The following SUV39H2 variants were observed in gnomAD, a reference collection of about 807,000 sequenced individuals.
SUV39H2 encodes the protein histone-lysine N-methyltransferase SUV39H2.
Under a neutral mutation model 47.5 loss-of-function variants are expected in SUV39H2, and 10 were observed. The ratio of observed to expected loss-of-function variants is 0.21; its 90% confidence interval spans 0.13 to 0.36. SUV39H2 has a LOEUF of 0.36. Ranked by LOEUF, SUV39H2 falls within the 10% of genes least tolerant of loss-of-function variation. The pLI is 1.00. For synonymous variants in SUV39H2, 159 were observed against 166.8 expected (o/e 0.95, Z 0.36); for missense variants, 266 against 487.4 (o/e 0.55, Z 4.28).
chr10:14,902,315 T>G, intron 5 of SUV39H2, 91 bp from the exon 6 acceptor site: 1 of 817,478 alleles, frequency 1.2e-6, no homozygotes, highest in Non-Finnish European at 1.9e-6. Context: ...CCTCTATCAC[T>G]GATAATAAAG....
rs1833882414 is a variant in SUV39H2, at chr10:14,899,954, C to T, written c.996+269C>T. ...ATTTAAACTTTCTAGTAACTTTGTACGGTAGGTATTACTTTCATATTACAA... is the reference window on the plus strand; with the variant it reads ...ATTTAAACTTTCTAGTAACTTTGTATGGTAGGTATTACTTTCATATTACAA... On this transcript the variant is annotated intron_variant, in intron 4 of 5. Coordinates refer to ENST00000354919, the MANE Select transcript of SUV39H2 (RefSeq NM_001193424.2). Among the ~76,000 whole-genome samples the T allele has an allele frequency of 2.0e-5, 3 of 152,142 alleles. 1 individual carries two copies. The highest frequency in any genetic ancestry group is 4.1e-4 in the South Asian group (2 of 4,824).
chr10:14,882,017 C>G (rs1303927066), intron 2 of SUV39H2, among the ~76,000 whole-genome samples: 1 of 152,216 alleles, frequency 6.6e-6, no homozygotes, highest in Non-Finnish European at 1.5e-5. Context: ...GTTACTGACT[C>G]TCAAGAACAT....
chr10:14,889,407 T>A (rs925274417), intron 2 of SUV39H2, among the ~76,000 whole-genome samples: 1 of 152,228 alleles, frequency 6.6e-6, no homozygotes, highest in Non-Finnish European at 1.5e-5. Flanking sequence ...ATTCCCTACA[T>A]ATACAAAAGT....
At chr10:14,886,720 G>A (rs927386214) in intron 2 of SUV39H2, among the ~76,000 whole-genome samples, 35 of 152,230 alleles carry the variant, frequency 2.3e-4, no homozygotes, top group Admixed American at 3.3e-4. Context: ...ACTGGGAATA[G>A]AAAGATTAAT....
intron 2 of SUV39H2, among the ~76,000 whole-genome samples, chr10:14,891,806 G>A (rs1833398519): frequency 6.6e-6 from 1 of 152,194 alleles, no homozygotes; most frequent in Non-Finnish European, 1.5e-5. Context: ...GAACCATCCG[G>A]TAGGCTATTG....
intron 1 of SUV39H2, among the ~76,000 whole-genome samples, chr10:14,879,327 G>C (rs1264751220): frequency 6.6e-6 from 1 of 152,196 alleles, no homozygotes; most frequent in African/African-American, 2.4e-5. Flanking sequence ...CATGCGCCCG[G>C]GCCTTTGAAG....
chr10:14,882,221 T>G (rs1468160135), intron 2 of SUV39H2, among the ~76,000 whole-genome samples: 1 of 152,254 alleles, frequency 6.6e-6, no homozygotes, highest in Non-Finnish European at 1.5e-5. Context: ...AAAAGATTTT[T>G]TGATCTAAAC....
intron 2 of SUV39H2, among the ~76,000 whole-genome samples, chr10:14,894,663 G>A (rs1833507563): frequency 6.6e-6 from 1 of 151,652 alleles, no homozygotes; most frequent in Non-Finnish European, 1.5e-5. Context: ...CACCGCGCCC[G>A]GCCGCAAAGT....
intron 4 of SUV39H2, among the ~76,000 whole-genome samples, chr10:14,900,141 A>G (rs1313697661): frequency 1.3e-5 from 2 of 152,178 alleles, no homozygotes; most frequent in Non-Finnish European, 2.9e-5. Context: ...TTTGTAGAGT[A>G]TTTATGTAGG....
At position 14,896,851 on chromosome 10, in the gene SUV39H2, G is replaced by A; in HGVS notation, c.183G>A (p.Met61Ile). Residue 61 changes from methionine (M) to isoleucine (I), a missense_variant, in exon 3 of 6, where the codon ATG (methionine) becomes ATA (isoleucine). This residue lies in a region of SUV39H2 where 32 missense variants were observed against 77.2 expected (regional missense o/e 0.41). Coordinates refer to ENST00000354919, the MANE Select transcript of SUV39H2 (RefSeq NM_001193424.2). ...YLCDYKVVKD[M>I]EYYLVKWKGW... ...ATTTTCTTTTGTATTTTAAGGATAT[G>A]GAATATTATCTTGTAAAATGGAAAG... The A allele has an allele frequency of 3.8e-6, 6 of 1,560,272 alleles. No individual in the cohort carries two copies. The highest frequency in any genetic ancestry group is 4.3e-6 in the Non-Finnish European group (5 of 1,153,548).
chr10:14,894,770 G>T (rs1588845753), intron 2 of SUV39H2, among the ~76,000 whole-genome samples: 1 of 152,276 alleles, frequency 6.6e-6, no homozygotes, highest in Admixed American at 6.5e-5. Context: ...ACTCCTGGGT[G>T]GGCGCCTGGT....
At chr10:14,898,048 T>G (rs1833711045) in intron 3 of SUV39H2, 1 of 151,434 alleles carries the variant, frequency 6.6e-6, no homozygotes. Flanking sequence ...AAAACTACCA[T>G]ACAAATACTA....
At position 14,903,159 on chromosome 10, in the gene SUV39H2, C is replaced by G. The variant is rs1260921172; in HGVS notation, c.*647C>G. 6.6e-6 allele frequency: 1 copy of G among 152,168 alleles called. No individual in the cohort carries two copies. Among genetic ancestry groups the G allele is most frequent in the African/African-American group, 2.4e-5 (1 of 41,428 alleles). 9.4% of individuals were successfully genotyped at this position (152,168 alleles called of 1,614,324 possible). A position where few individuals can be genotyped will look rare whatever the true frequency, so the allele number is the denominator to read the frequency against. On this transcript the variant is annotated 3_prime_UTR_variant, in exon 6 of 6. Transcript: ENST00000354919. The stretch of plus-strand genomic sequence containing the variant: ...TGAGTGTATGTCTGAACCTGTAATT[C>G]TTAAAAGACTTCTTAATCTTCTAGA...
intron 2 of SUV39H2, among the ~76,000 whole-genome samples, chr10:14,895,501 T>G (rs571229153): frequency 7.9e-5 from 12 of 152,248 alleles, no homozygotes; most frequent in African/African-American, 2.9e-4. Context: ...AAAAGAAACT[T>G]AAACGTGGCA....
At chr10:14,892,947 G>A (rs1225329883) in intron 2 of SUV39H2, among the ~76,000 whole-genome samples, 2 of 149,212 alleles carry the variant, frequency 1.3e-5, no homozygotes, top group Non-Finnish European at 3.0e-5. Flanking sequence ...AGCCTCCCAA[G>A]TAGCTGGGAT....
rs367991948 is a variant in SUV39H2 at position 14,881,182 on chromosome 10, C to T, written c.32-318C>T. ...ACAATGAAAGTGAAAAACATTATCT[C>T]TGTTGACCTGCATCTGTATATAATC... On this transcript the variant is annotated intron_variant, in intron 1 of 5. Transcript: ENST00000354919. Among the ~76,000 whole-genome samples, 12 of 152,274 alleles carry T rather than the reference C, an allele frequency of 7.9e-5. No homozygotes were observed. The South Asian group carries it at 2.3e-3, about 29-fold the overall frequency.
chr10:14,879,160 A>G lies in SUV39H2; in HGVS notation c.31+241A>G, dbSNP rs1013136030. On this transcript the variant is annotated intron_variant, in intron 1 of 5. Coordinates refer to ENST00000354919, the MANE Select transcript of SUV39H2 (RefSeq NM_001193424.2). ...CTGTCCGAGCCTGGGGCACTTCGGAAGTGGAGCGTGGCCTCTCCGCCCGCT... is the reference window on the plus strand; with the variant it reads ...CTGTCCGAGCCTGGGGCACTTCGGAGGTGGAGCGTGGCCTCTCCGCCCGCT... 3.8e-5 allele frequency: 45 copies of G among 1,191,630 alleles called. No individual in the cohort carries two copies. The African/African-American group carries it at 4.0e-4, about 11-fold the overall frequency. The allele number at this position is 1,191,630 out of a possible 1,614,324, so 73.8% of individuals were successfully genotyped here. A position where few individuals can be genotyped will look rare whatever the true frequency, so the allele number is the denominator to read the frequency against.
intron 2 of SUV39H2, among the ~76,000 whole-genome samples, chr10:14,891,522 A>G (rs1440018233): frequency 6.6e-6 from 1 of 152,196 alleles, no homozygotes; most frequent in Non-Finnish European, 1.5e-5. Context: ...GTAAGTCTGG[A>G]GTAGGGAAAC....
chr10:14,882,560 A>G (rs768033958), intron 2 of SUV39H2, among the ~76,000 whole-genome samples: 12 of 152,158 alleles, frequency 7.9e-5, no homozygotes, highest in South Asian at 6.2e-4. Flanking sequence ...ATATTATACA[A>G]TCATGCATAT....
Sources: allele counts gnomAD v4.1 joint callset (sites outside exome capture counted in the v4.1 genomes callset), GRCh38; gene constraint gnomAD v4.1.1; regional missense constraint gnomAD v4.1.1; transcripts MANE v1.5; gene names NCBI Gene and HGNC (gene_info 2026-07-23, HGNC 2026-07-21).